The following PPP3R1 variants were observed in gnomAD, a reference collection of about 807,000 sequenced individuals.
The protein encoded by PPP3R1 is protein phosphatase 3 regulatory subunit B, alpha, also known as calcineurin subunit B type 1.
In PPP3R1, 5 loss-of-function variants were observed where a neutral mutation model predicts 22.6. The ratio of observed to expected loss-of-function variants is 0.22; its 90% CI spans 0.12 to 0.46. The LOEUF (loss-of-function observed/expected upper bound fraction) is 0.46. Among genes scored for constraint, PPP3R1 ranks in the 20% least tolerant of loss-of-function variants. The pLI is 0.99. For missense variants in PPP3R1, 61 were observed against 203.2 expected (o/e 0.30, Z 4.25); for synonymous variants, 56 against 65.2 (o/e 0.86, Z 0.68).
intron 1 of PPP3R1, among the ~76,000 whole-genome samples, chr2:68,251,665 G>A (rs777981636): frequency 2.0e-5 from 3 of 152,142 alleles, no homozygotes; most frequent in Non-Finnish European, 4.4e-5. Flanking sequence ...TGGGTCTTAT[G>A]TAAAGTGCCA....
intron 1 of PPP3R1, among the ~76,000 whole-genome samples, chr2:68,226,530 T>G (rs944587222): frequency 6.6e-6 from 1 of 152,176 alleles, no homozygotes; most frequent in Non-Finnish European, 1.5e-5. Flanking sequence ...TTCAAGGTAA[T>G]GTATTCATAG....
At chr2:68,189,140 T>G (rs1245823771) in intron 2 of PPP3R1, among the ~76,000 whole-genome samples, 1 of 152,228 alleles carries the variant, frequency 6.6e-6, no homozygotes, top group Non-Finnish European at 1.5e-5. Flanking sequence ...AATTTTAATT[T>G]ACTTTATTTC....
chr2:68,214,187 T>C (rs891389505), intron 2 of PPP3R1, among the ~76,000 whole-genome samples: 1 of 152,112 alleles, frequency 6.6e-6, no homozygotes, highest in Non-Finnish European at 1.5e-5. Context: ...ATAAAAACCC[T>C]GTAAGATAAG....
chr2:68,198,177 GTATA>G (rs535489271), intron 2 of PPP3R1, among the ~76,000 whole-genome samples: 1 of 135,950 alleles, frequency 7.4e-6, no homozygotes, highest in Non-Finnish European at 1.5e-5. Context: ...ATACATACAT[GTATA>G]TATAATATAT....
intron 1 of PPP3R1, among the ~76,000 whole-genome samples, chr2:68,231,330 T>C (rs1194676785): frequency 6.6e-6 from 1 of 151,870 alleles, no homozygotes; most frequent in African/African-American, 2.4e-5. Flanking sequence ...TTGGTCTTTC[T>C]TTATGTCTTC....
At chr2:68,196,769 G>A (rs1290670300) in intron 2 of PPP3R1, among the ~76,000 whole-genome samples, 1 of 152,106 alleles carries the variant, frequency 6.6e-6, no homozygotes, top group African/African-American at 2.4e-5. Context: ...CTGTCACCCA[G>A]GCAGGAGGGC....
chr2:68,251,773 G>A (rs558846461), intron 1 of PPP3R1, among the ~76,000 whole-genome samples: 3 of 151,654 alleles, frequency 2.0e-5, no homozygotes, highest in Non-Finnish European at 4.4e-5. Context: ...ACGTGGAGGA[G>A]GGTCGCGAGA....
chr2:68,252,508 G>A lies in PPP3R1; in HGVS notation c.-381C>T. 3.1e-6 allele frequency: 3 copies of A among 961,676 alleles called. No homozygotes were observed. Among genetic ancestry groups the A allele is most frequent in the Non-Finnish European group, 3.6e-6 (3 of 824,630 alleles). 59.6% of individuals were successfully genotyped at this position (961,676 alleles called of 1,614,324 possible). ...CGTGACGGACTCACTGCAGCGGCTC[G>A]CGCTGACCCGCAACCTCAAGGCACG... On this transcript the variant is annotated 5_prime_UTR_variant, in exon 1 of 6. Coordinates refer to ENST00000234310, the MANE Select transcript of PPP3R1 (RefSeq NM_000945.4).
intron 1 of PPP3R1, among the ~76,000 whole-genome samples, chr2:68,232,222 T>TAC (rs367672494): frequency 2.6e-5 from 2 of 78,106 alleles, no homozygotes; most frequent in Admixed American, 1.3e-4. Context: ...TATATGTATA[T>TAC]ATGTGTGTGT....
chr2:68,204,353 G>GATATATATATATTCTTATAT (rs1491437318), intron 2 of PPP3R1, among the ~76,000 whole-genome samples: 1 of 148,344 alleles, frequency 6.7e-6, no homozygotes, highest in African/African-American at 2.5e-5. Context: ...TATATATTCT[G>GATATATATATATTCTTATAT]ATATATATAT....
At chr2:68,241,021 G>A (rs1180598374) in intron 1 of PPP3R1, among the ~76,000 whole-genome samples, 1 of 152,162 alleles carries the variant, frequency 6.6e-6, no homozygotes, top group Non-Finnish European at 1.5e-5. Flanking sequence ...TTACAAAGAA[G>A]AAAAATGTTA....
At chr2:68,251,772 A>G in intron 1 of PPP3R1, among the ~76,000 whole-genome samples, 1 of 144,786 alleles carries the variant, frequency 6.9e-6, no homozygotes, top group East Asian at 2.0e-4. Flanking sequence ...CACGTGGAGG[A>G]GGGTCGCGAG....
chr2:68,237,015 T>C (rs1310364728), intron 1 of PPP3R1, among the ~76,000 whole-genome samples: 4 of 152,332 alleles, frequency 2.6e-5, no homozygotes, highest in African/African-American at 9.6e-5. Context: ...TTGATGAAAC[T>C]GAACTGCTGA....
intron 1 of PPP3R1, among the ~76,000 whole-genome samples, chr2:68,220,240 C>T (rs568850496): frequency 1.3e-5 from 2 of 152,208 alleles, no homozygotes; most frequent in African/African-American, 4.8e-5. Context: ...ACATGAAGTT[C>T]GTATGGCCAA....
chr2:68,211,742 G>A (rs1477426588), intron 2 of PPP3R1, among the ~76,000 whole-genome samples: 1 of 152,102 alleles, frequency 6.6e-6, no homozygotes, highest in Non-Finnish European at 1.5e-5. Flanking sequence ...ATTCTTTGTT[G>A]TCATTTCAGT....
chr2:68,251,457 C>T (rs1260836939), intron 1 of PPP3R1, among the ~76,000 whole-genome samples: 1 of 152,206 alleles, frequency 6.6e-6, no homozygotes, highest in Non-Finnish European at 1.5e-5. Flanking sequence ...CGTATGTTTT[C>T]GTGAACAAAC....
chr2:68,224,463 C>A (rs764306781), intron 1 of PPP3R1, among the ~76,000 whole-genome samples: 3 of 151,980 alleles, frequency 2.0e-5, no homozygotes, highest in Non-Finnish European at 4.4e-5. Context: ...GAGTTTGAAA[C>A]CAGCCTGACC....
intron 1 of PPP3R1, among the ~76,000 whole-genome samples, chr2:68,222,827 C>T (rs1315202246): frequency 6.6e-6 from 1 of 152,032 alleles, no homozygotes; most frequent in Non-Finnish European, 1.5e-5. Flanking sequence ...AGAAAGAATA[C>T]TCAATCCCAT....
Position 68,217,110 on chromosome 2 carries a change from A to C in PPP3R1, c.25T>G (p.Leu9Val). 1 of 1,596,938 alleles carries C rather than the reference A, an allele frequency of 6.3e-7. No individual in the cohort carries two copies. The highest frequency in any genetic ancestry group is 8.6e-7 in the Non-Finnish European group (1 of 1,168,674). ...GACTTACAGTGTGAGCACATTTCCA[A>C]AGGATAACTTGCCTCATTTCCCTGG... MGNEASYP[L>V]EMCSHFDADE... is the part of the protein sequence containing the mutation. The change falls in exon 2 of 6, where the codon TTG becomes GTG. Residue 9 changes from leucine (L) to valine (V), a missense_variant. Leu to Val is a conservative substitution (Grantham distance 32). Coordinates refer to ENST00000234310, the MANE Select transcript of PPP3R1 (RefSeq NM_000945.4).
Sources: allele counts gnomAD v4.1 joint callset (sites outside exome capture counted in the v4.1 genomes callset), GRCh38; gene constraint gnomAD v4.1.1; transcripts MANE v1.5; gene names NCBI Gene and HGNC (gene_info 2026-07-23, HGNC 2026-07-21).